The following RECQL5 variants were observed in gnomAD, a reference collection of about 807,000 sequenced individuals.
RECQL5 encodes RecQ like helicase 5.
Under a neutral mutation model 103.4 loss-of-function variants are expected in RECQL5, and 88 were observed. The ratio of observed to expected loss-of-function variants is 0.85; its 90% CI spans 0.72 to 1.02. The LOEUF is 1.02. RECQL5 is among the 50% of genes least tolerant of loss of function. The pLI is 0.00. For synonymous variants in RECQL5, 552 were observed against 507.9 expected, an observed-to-expected ratio of 1.09 and a Z score of -1.17; for missense variants, 1,232 against 1,284.3, an observed-to-expected ratio of 0.96 and a Z score of 0.62.
At chr17:75,645,326 G>A (rs2059476743) in intron 8 of RECQL5, among the ~76,000 whole-genome samples, 1 of 152,222 alleles carries the variant, frequency 6.6e-6, no homozygotes, top group Non-Finnish European at 1.5e-5. Flanking sequence ...GCTCTGAGGT[G>A]CAGCACAGGT....
rs188763472 is a variant in RECQL5, at chr17:75,632,779, C to G, written c.1230-1111G>C. ...TCAGGCTCCTTATAAACAGCCATTCCTGCCACCAGGAACGTGGCACAGGGT... is the reference window on the plus strand; with the variant it reads ...TCAGGCTCCTTATAAACAGCCATTCGTGCCACCAGGAACGTGGCACAGGGT... On this transcript the variant is annotated intron_variant, in intron 8 of 19. Transcript: ENST00000317905. Among the ~76,000 whole-genome samples, 860 of 152,362 alleles carry G rather than the reference C, an allele frequency of 5.6e-3. 9 individuals are homozygous for G. Among genetic ancestry groups the G allele is most frequent in the African/African-American group, 0.02 (811 of 41,580 alleles).
intron 8 of RECQL5, among the ~76,000 whole-genome samples, chr17:75,635,291 C>A (rs542601472): frequency 2.6e-5 from 4 of 152,130 alleles, no homozygotes; most frequent in Non-Finnish European, 5.9e-5. Flanking sequence ...GGTCGGGGCA[C>A]AGCGGTGAGC....
chr17:75,645,075 C>G (rs533464925), intron 8 of RECQL5, among the ~76,000 whole-genome samples: 1 of 152,132 alleles, frequency 6.6e-6, no homozygotes, highest in East Asian at 1.9e-4. Flanking sequence ...GCTTGCCAAC[C>G]ACAGCTCCTG....
At chr17:75,633,372 G>A (rs2059257159) in intron 8 of RECQL5, 2 of 1,200,396 alleles carry the variant, frequency 1.7e-6, no homozygotes, top group African/African-American at 3.2e-5. Context: ...CCAGGCAAAT[G>A]TCACAGGGCC....
rs768609752 is a variant in RECQL5 at position 75,628,713 on chromosome 17, C to T, written c.2539G>A (p.Ala847Thr). 6.8e-5 allele frequency: 108 copies of T among 1,590,414 alleles called. No individual in the cohort carries two copies. The highest frequency in any genetic ancestry group is 8.8e-5 in the Non-Finnish European group (103 of 1,174,388). The change falls in exon 17 of 20, where the codon GCA becomes ACA. Residue 847 changes from alanine (A) to threonine (T), a missense_variant. Transcript: ENST00000317905. ...QGTPEVQPTP[A>T]KDTWKGKRPR... ...CGCTTGCCCTTCCATGTGTCCTTTG[C>T]AGGGGTGGGCTGGACTTCAGGGGTG...
intron 8 of RECQL5, chr17:75,647,804 C>T: frequency 2.1e-6 from 1 of 473,526 alleles, no homozygotes; most frequent in Non-Finnish European, 3.9e-6. Context: ...TTTAGGGTTC[C>T]CCGACCAGAA....
At chr17:75,634,640 C>T (rs978523267) in intron 8 of RECQL5, among the ~76,000 whole-genome samples, 12 of 152,128 alleles carry the variant, frequency 7.9e-5, no homozygotes, top group African/African-American at 1.4e-4. Context: ...CAGCATGCGG[C>T]GCCCCCAGGA....
rs35049816 is a variant in RECQL5 at position 75,657,747 on chromosome 17, T to TA, written c.1149+550dup. On this transcript the variant is annotated intron_variant, in intron 7 of 19. Transcript: ENST00000317905. The stretch of plus-strand genomic sequence containing the variant: ...GGTGACAGTGAGAGACCTTGTCTCT[T>TA]AAAAAAAAAAAAAAAAAAAAAGGTG... Among the ~76,000 whole-genome samples, 915 of 112,152 alleles carry TA rather than the reference T, an allele frequency of 8.2e-3. 2 individuals carry two copies. The highest frequency in any genetic ancestry group is 0.012 in the Admixed American group (128 of 10,586). 73.6% of individuals were successfully genotyped at this position (112,152 alleles called of 152,430 possible). A position where few individuals can be genotyped will look rare whatever the true frequency, so the allele number is the denominator to read the frequency against.
In RECQL5 at chr17:75,630,842, G is replaced by GGT. The variant is rs1555706020; in HGVS notation, c.1586-6_1586-5insAC. On this transcript the variant is annotated splice_polypyrimidine_tract_variant and splice_region_variant and intron_variant, in intron 11 of 19. Transcript: ENST00000317905. ...CTTTCAGGGGACAGTTCTCATCTGT[G>GGT]GGGGGGGGGGGTGGTCCTTGGTCCT... 8.1e-7 allele frequency: 1 copy of GGT among 1,240,082 alleles called. No homozygotes were observed. The highest frequency in any genetic ancestry group is 2.3e-5 in the African/African-American group (1 of 42,910). 76.8% of individuals were successfully genotyped at this position (1,240,082 alleles called of 1,614,324 possible).
chr17:75,629,080 G>T lies in RECQL5; in HGVS notation c.2343C>A (p.Ala781=), dbSNP rs1180515196. The change falls in exon 16 of 20, where the codon GCC becomes GCA. Residue 781 remains alanine (A), a synonymous_variant. Transcript: ENST00000317905. ...AGGGGCAGGCACCTTCTGCCTCTGGGGCTGATGCCAGCAGAGCTGGGCTTT... is the reference window on the plus strand; with the variant it reads ...AGGGGCAGGCACCTTCTGCCTCTGGTGCTGATGCCAGCAGAGCTGGGCTTT... ...RVESPALLAS[A]PEAEGACPSC... is the part of the protein sequence containing the mutation. The T allele has an allele frequency of 6.2e-7, 1 of 1,613,068 alleles. No individual in the cohort carries two copies. Among genetic ancestry groups the T allele is most frequent in the Non-Finnish European group, 8.5e-7 (1 of 1,179,770 alleles).
intron 7 of RECQL5, among the ~76,000 whole-genome samples, chr17:75,654,364 C>A (rs1286437384): frequency 6.6e-6 from 1 of 152,204 alleles, no homozygotes; most frequent in Non-Finnish European, 1.5e-5. Context: ...CTAGTGCAAT[C>A]TGGACCAGTT....
At chr17:75,661,089 G>C in intron 5 of RECQL5, 23 bp from the exon 6 acceptor site, 1 of 1,582,686 alleles carries the variant, frequency 6.3e-7, no homozygotes, top group South Asian at 1.1e-5. Context: ...GGAAGATGGA[G>C]AAGGGAACTC....
At chr17:75,633,934 C>T (rs2059269992) in intron 8 of RECQL5, 1 of 985,914 alleles carries the variant, frequency 1.0e-6, no homozygotes, top group Non-Finnish European at 1.2e-6. Flanking sequence ...GCTCTCAGGG[C>T]AGAGGTGAGG....
At chr17:75,635,786 C>A in intron 8 of RECQL5, 1 of 985,444 alleles carries the variant, frequency 1.0e-6, no homozygotes, top group African/African-American at 1.7e-5. Flanking sequence ...CCTCTGGGGC[C>A]CCGCGCTGCC....
chr17:75,634,317 T>G (rs748709376), intron 8 of RECQL5: 13 of 950,976 alleles, frequency 1.4e-5, no homozygotes, highest in Non-Finnish European at 1.5e-5. Context: ...TTCGGGGACA[T>G]GCTGGGTCGC....
rs779164835 is a variant in RECQL5 at position 75,628,992 on chromosome 17, C to T, written c.2431G>A (p.Ala811Thr). The T allele has an allele frequency of 1.3e-6, 2 of 1,562,164 alleles. No individual in the cohort carries two copies. The highest frequency in any genetic ancestry group is 2.0e-5 in the Admixed American group (1 of 50,034). ...PEKYTGEEDG[A>T]GGHSPAPPQT... The stretch of plus-strand genomic sequence containing the variant: ...GGAGGGGCAGGCGAATGTCCCCCGG[C>T]TCCATCTTCCTCCCCTGTGTACTTC... The change falls in exon 16 of 20, where the codon GCC (alanine) becomes ACC (threonine). Residue 811 changes from alanine (A) to threonine (T), a missense_variant. Coordinates refer to ENST00000317905, the MANE Select transcript of RECQL5 (RefSeq NM_004259.7).
chr17:75,651,027 A>G, intron 8 of RECQL5, 159 bp downstream of exon 8: 1 of 1,532,714 alleles, frequency 6.5e-7, no homozygotes, highest in Non-Finnish European at 8.7e-7. Context: ...AGAGAAGAGC[A>G]AGGTCCTGAC....
Position 75,640,053 on chromosome 17 carries a change from G to A in RECQL5, c.1230-8385C>T, listed in dbSNP as rs1391852157. 8.5e-7 allele frequency: 1 copy of A among 1,173,742 alleles called. No homozygotes were observed. Among genetic ancestry groups the A allele is most frequent in the Non-Finnish European group, 1.2e-6 (1 of 865,106 alleles). The allele number at this position is 1,173,742 out of a possible 1,614,324, so 72.7% of individuals were successfully genotyped here. ...AAGTCACCAGGGGTGCAATGTGTGAGACCTGACAAACTTGTTCTGCGGGCT... is the reference window on the plus strand; with the variant it reads ...AAGTCACCAGGGGTGCAATGTGTGAAACCTGACAAACTTGTTCTGCGGGCT... On this transcript the variant is annotated intron_variant, in intron 8 of 19. Transcript: ENST00000317905. This position sits in a 1 kb window ranked among gnomAD's most constrained non-coding sequence, Gnocchi z 4.6.
chr17:75,641,134 C>G, intron 8 of RECQL5: 2 of 637,228 alleles, frequency 3.1e-6, no homozygotes, highest in Non-Finnish European at 5.0e-6. Flanking sequence ...TCAGCTGTTT[C>G]AAAGACTGGG....
Sources: gnomAD v4.1 joint callset for allele counts (sites outside exome capture counted in the v4.1 genomes callset) on GRCh38, gnomAD v4.1.1 for gene constraint, Gnocchi (gnomAD v3.1) non-coding constraint, MANE v1.5 for transcripts, NCBI Gene and HGNC (gene_info 2026-07-23, HGNC 2026-07-21) for gene names.